The following CCDC171 variants were observed in gnomAD, a reference collection of about 807,000 sequenced individuals.
The protein encoded by CCDC171 is coiled-coil domain-containing protein 171.
A neutral mutation model predicts 168.2 loss-of-function variants in CCDC171; 177 were observed. The observed-to-expected ratio is 1.05, with a 90% CI of 0.93 to 1.19. The LOEUF (loss-of-function observed/expected upper bound fraction) is 1.19, where lower values mean the gene tolerates loss of function less well. Among genes scored for constraint, CCDC171 ranks in the 50% most tolerant of loss-of-function variants. The probability of loss-of-function intolerance (pLI) is 0.00; values close to 1 mark genes in which losing one functional copy is unlikely to be tolerated. For missense variants in CCDC171, 1,991 were observed against 1,539.0 expected (o/e 1.29, Z -4.91); for synonymous variants, 687 against 540.8 (o/e 1.27, Z -3.75).
chr9:15,976,357 A>C (rs1332409755), downstream of CCDC171, among the ~76,000 whole-genome samples: 1 of 152,084 alleles, frequency 6.6e-6, no homozygotes, highest in Non-Finnish European at 1.5e-5. Context: ...TTCGGTTTCC[A>C]TTTTATATTC....
At chr9:16,075,263 CTGT>C in the CCDC171 span, among the ~76,000 whole-genome samples, 2 of 152,118 alleles carry the variant, frequency 1.3e-5, no homozygotes, top group African/African-American at 4.8e-5. Context: ...TGGCTGTATC[CTGT>C]TGTTTTTCTG....
the CCDC171 span, among the ~76,000 whole-genome samples, chr9:16,074,750 G>A: frequency 3.9e-5 from 6 of 152,120 alleles, no homozygotes; most frequent in Admixed American, 2.6e-4. Flanking sequence ...AGAGAGTAAA[G>A]GCATATAGGA....
chr9:15,648,604 A>AG (rs2047238376), intron 7 of CCDC171, among the ~76,000 whole-genome samples: 1 of 152,166 alleles, frequency 6.6e-6, no homozygotes, highest in Admixed American at 6.5e-5. Flanking sequence ...TACACCAATA[A>AG]CAGAGAAGCA....
At chr9:15,562,061 C>T (rs1191795517) in intron 1 of CCDC171, among the ~76,000 whole-genome samples, 1 of 152,030 alleles carries the variant, frequency 6.6e-6, no homozygotes, top group South Asian at 2.1e-4. Context: ...GTGGCGCAAT[C>T]TTGGCTCACT....
Position 15,739,246 on chromosome 9 carries a change from AGGCAAAGGAGCCG to A in CCDC171, c.2050-5024_2050-5012del, listed in dbSNP as rs1656847244. Among the ~76,000 whole-genome samples, 4 of 152,330 alleles carry A rather than the reference AGGCAAAGGAGCCG, an allele frequency of 2.6e-5. No individual in the cohort carries two copies. In the South Asian group the frequency reaches 8.3e-4, roughly 32 times the overall value. On this transcript the variant is annotated intron_variant, in intron 16 of 25. Transcript: ENST00000380701. ...TTCAAATAGTGTTAGGGGAGATCGA[AGGCAAAGGAGCCG>A]GGTGTTCTACAGAACATGTTAAATT...
intron 24 of CCDC171, among the ~76,000 whole-genome samples, chr9:15,908,995 A>G (rs759357601): frequency 3.3e-5 from 5 of 152,182 alleles, no homozygotes; most frequent in African/African-American, 9.7e-5. Context: ...CACTTCTTCC[A>G]TTTGCATTAC....
chr9:15,566,506 C>G (rs1009257225), intron 2 of CCDC171, among the ~76,000 whole-genome samples: 1 of 152,174 alleles, frequency 6.6e-6, no homozygotes, highest in Admixed American at 6.5e-5. Flanking sequence ...TTGCAGTGAG[C>G]CTAGATCATG....
chr9:16,092,244 A>G, the CCDC171 span, among the ~76,000 whole-genome samples: 4 of 152,208 alleles, frequency 2.6e-5, no homozygotes, highest in Non-Finnish European at 5.9e-5. Context: ...TCCTCAGACA[A>G]GGGGTCCTCT....
chr9:15,574,546 T>C (rs2040484137), intron 3 of CCDC171, among the ~76,000 whole-genome samples: 2 of 152,314 alleles, frequency 1.3e-5, no homozygotes, highest in Admixed American at 1.3e-4. Context: ...CCCAAAGTGC[T>C]GGGATTACAG....
intron 21 of CCDC171, among the ~76,000 whole-genome samples, chr9:15,834,805 A>C (rs2060371708): frequency 1.3e-5 from 2 of 152,246 alleles, no homozygotes; most frequent in Non-Finnish European, 2.9e-5. Context: ...ATTATTGTTA[A>C]GGGCATCTAC....
intron 6 of CCDC171, among the ~76,000 whole-genome samples, chr9:15,595,321 C>T (rs418153): frequency 0.055 from 8,329 of 152,170 alleles, 277 homozygotes; most frequent in African/African-American, 0.089. Context: ...ACAACAGGCC[C>T]TGGTGTGTGA....
At chr9:15,761,007 G>T (rs945434151) in intron 18 of CCDC171, among the ~76,000 whole-genome samples, 3 of 152,144 alleles carry the variant, frequency 2.0e-5, no homozygotes, top group African/African-American at 7.2e-5. Flanking sequence ...ATGGACTAAA[G>T]AATTCTTTAG....
At chr9:15,919,548 T>G (rs1331072219) in intron 24 of CCDC171, among the ~76,000 whole-genome samples, 1 of 151,584 alleles carries the variant, frequency 6.6e-6, no homozygotes, top group Non-Finnish European at 1.5e-5. Context: ...AAGTCTCCTT[T>G]AAAAAGGCAT....
At chr9:15,584,573 A>T (rs2041403205) in intron 4 of CCDC171, among the ~76,000 whole-genome samples, 1 of 152,200 alleles carries the variant, frequency 6.6e-6, no homozygotes, top group Non-Finnish European at 1.5e-5. Context: ...GTGATAGATC[A>T]CATGAGGGCC....
At chr9:15,774,607 A>G (rs1432375246) in intron 18 of CCDC171, among the ~76,000 whole-genome samples, 1 of 152,242 alleles carries the variant, frequency 6.6e-6, no homozygotes, top group Non-Finnish European at 1.5e-5. Context: ...ACTACTACAT[A>G]TCTACTCAGA....
At chr9:15,998,019 A>G (rs1455957545) in intron 3 of CCDC171, among the ~76,000 whole-genome samples, 1 of 152,160 alleles carries the variant, frequency 6.6e-6, no homozygotes, top group East Asian at 1.9e-4. Flanking sequence ...TTGTACTTCC[A>G]TAGGATCCTT....
chr9:15,637,266 C>G (rs1339450071), intron 7 of CCDC171, among the ~76,000 whole-genome samples: 1 of 151,880 alleles, frequency 6.6e-6, no homozygotes, highest in African/African-American at 2.4e-5. Context: ...AAAAACAAAA[C>G]AAAAGAAAAA....
chr9:16,066,012 G>C (rs1335632924), downstream of CCDC171, among the ~76,000 whole-genome samples: 2 of 152,094 alleles, frequency 1.3e-5, no homozygotes, highest in Non-Finnish European at 2.9e-5. Context: ...CTAGAAACTT[G>C]GTCTTCTGAT....
At position 15,816,986 on chromosome 9, in the gene CCDC171, A is replaced by G; in HGVS notation, c.3268-29716A>G. On this transcript the variant is annotated intron_variant, in intron 21 of 25. Transcript: ENST00000380701. Reference sequence around the variant, plus strand: ...AGAGCTCAAGAAGCAGACTGAGTCAAAAGATAAAAGAAGTTTTATAGTTAT... The same window carrying G: ...AGAGCTCAAGAAGCAGACTGAGTCAGAAGATAAAAGAAGTTTTATAGTTAT... Among the ~76,000 whole-genome samples the G allele has an allele frequency of 1.7e-5, 2 of 118,398 alleles. 1 individual carries two copies. The highest frequency in any genetic ancestry group is 3.8e-5 in the Non-Finnish European group (2 of 52,590). The allele number at this position is 118,398 out of a possible 152,430, so 77.7% of individuals were successfully genotyped here.
Sources: allele counts gnomAD v4.1 joint callset (sites outside exome capture counted in the v4.1 genomes callset), GRCh38; gene constraint gnomAD v4.1.1; transcripts MANE v1.5; gene names NCBI Gene and HGNC (gene_info 2026-07-23, HGNC 2026-07-21).